NR2F1-AS1: variants seen among roughly 807,000 people sequenced by gnomAD.
NR2F1-AS1 encodes NR2F1 regulatory antisense RNA 1.
upstream of NR2F1-AS1, among the ~76,000 whole-genome samples, chr5:93,581,582 T>C (rs1254099717): frequency 6.6e-6 from 1 of 150,856 alleles, no homozygotes; most frequent in Non-Finnish European, 1.5e-5. Context: ...CAGCGATTCC[T>C]GCAAGCCCCG....
intron 4 of NR2F1-AS1, among the ~76,000 whole-genome samples, chr5:93,523,539 C>A (rs1421128385): frequency 6.6e-6 from 1 of 152,184 alleles, no homozygotes; most frequent in African/African-American, 2.4e-5. Context: ...CCCTGAACCC[C>A]ATGCCTCCTG....
At chr5:93,451,924 G>A (rs190876744) in intron 4 of NR2F1-AS1, among the ~76,000 whole-genome samples, 337 of 152,224 alleles carry the variant, frequency 2.2e-3, no homozygotes, top group African/African-American at 7.8e-3. Context: ...AGGACCTCAC[G>A]GACATGTATT....
At chr5:93,494,369 G>A (rs890367967) in intron 4 of NR2F1-AS1, among the ~76,000 whole-genome samples, 8 of 152,134 alleles carry the variant, frequency 5.3e-5, no homozygotes, top group East Asian at 3.9e-4. Context: ...AGTGGCTCAC[G>A]CCTGTAATCT....
At chr5:93,566,482 T>C (rs931492500) in intron 1 of NR2F1-AS1, among the ~76,000 whole-genome samples, 3 of 152,080 alleles carry the variant, frequency 2.0e-5, no homozygotes, top group East Asian at 3.8e-4. Context: ...AACCAGCCTA[T>C]TTCACATCTG....
chr5:93,450,094 T>C (rs945142162), intron 4 of NR2F1-AS1, among the ~76,000 whole-genome samples: 2 of 152,212 alleles, frequency 1.3e-5, no homozygotes, highest in Non-Finnish European at 2.9e-5. Context: ...ATATGAATGT[T>C]CATTTTCTAA....
chr5:93,570,777 G>A (rs1403673495), intron 1 of NR2F1-AS1: 1 of 152,274 alleles, frequency 6.6e-6, no homozygotes, highest in Non-Finnish European at 1.5e-5. Flanking sequence ...CGCCGCGCGG[G>A]GGACCGCACT....
chr5:93,434,917 T>C (rs1043374872), intron 4 of NR2F1-AS1, among the ~76,000 whole-genome samples: 5 of 152,226 alleles, frequency 3.3e-5, no homozygotes, highest in Non-Finnish European at 5.9e-5. Context: ...AGGAAGTACA[T>C]GATATTGGTT....
At chr5:93,524,588 T>C (rs562427359) in intron 4 of NR2F1-AS1, among the ~76,000 whole-genome samples, 18 of 152,036 alleles carry the variant, frequency 1.2e-4, no homozygotes, top group Admixed American at 2.6e-4. Flanking sequence ...AAAGAAACAA[T>C]GTTAAGGGCA....
At chr5:93,536,373 G>A (rs975285865) in intron 4 of NR2F1-AS1, among the ~76,000 whole-genome samples, 8 of 152,048 alleles carry the variant, frequency 5.3e-5, no homozygotes, top group African/African-American at 1.9e-4. Context: ...AAAGTGATCT[G>A]CAGGTTTAAT....
At chr5:93,418,501 G>A (rs941812507) in intron 4 of NR2F1-AS1, among the ~76,000 whole-genome samples, 1 of 151,932 alleles carries the variant, frequency 6.6e-6, no homozygotes, top group Non-Finnish European at 1.5e-5. Context: ...GCAGAGAATC[G>A]CTTGAACCCA....
intron 4 of NR2F1-AS1, among the ~76,000 whole-genome samples, chr5:93,498,871 G>T (rs1046991046): frequency 1.3e-5 from 2 of 152,126 alleles, no homozygotes; most frequent in Admixed American, 6.6e-5. Context: ...TTATTAAAAA[G>T]AATTTATATT....
rs192613549 is a variant in NR2F1-AS1, at chr5:93,528,664, G to A, written n.638+25097C>T. On this transcript the variant is annotated intron_variant and non_coding_transcript_variant, in intron 4 of 5. Coordinates refer to ENST00000660523, the Ensembl canonical transcript of NR2F1-AS1. ...GGAACCAACCCAAATGCTCATCAAC[G>A]ATAGACTGGATAAAGAAAATGTGGC... is the stretch of plus-strand genomic sequence containing the variant. Among the ~76,000 whole-genome samples the A allele has an allele frequency of 7.2e-3, 1,102 of 152,218 alleles. 4 individuals are homozygous for A. Among genetic ancestry groups the A allele is most frequent in the Non-Finnish European group, 0.012 (800 of 68,000 alleles).
intron 4 of NR2F1-AS1, among the ~76,000 whole-genome samples, chr5:93,484,350 T>C (rs1750670318): frequency 6.6e-6 from 1 of 152,152 alleles, no homozygotes; most frequent in Non-Finnish European, 1.5e-5. Flanking sequence ...CCAGCCAAAC[T>C]AAGCTTCATA....
intron 4 of NR2F1-AS1, among the ~76,000 whole-genome samples, chr5:93,474,486 A>C (rs939719785): frequency 6.6e-6 from 1 of 152,208 alleles, no homozygotes; most frequent in Non-Finnish European, 1.5e-5. Context: ...CATAGGCTAG[A>C]TGGCTTATAA....
At chr5:93,569,931 C>G (rs1752707054) in intron 1 of NR2F1-AS1, 1 of 152,216 alleles carries the variant, frequency 6.6e-6, no homozygotes, top group Non-Finnish European at 1.5e-5. Flanking sequence ...ATCTGGAGCA[C>G]GAGTCCTCTG....
intron 4 of NR2F1-AS1, among the ~76,000 whole-genome samples, chr5:93,526,824 C>T (rs776767459): frequency 1.2e-4 from 18 of 152,252 alleles, no homozygotes; most frequent in Non-Finnish European, 2.6e-4. Flanking sequence ...TTTCAATAAA[C>T]TAGGTATTGA....
In NR2F1-AS1 at chr5:93,449,678, A is replaced by G. The variant is rs189444489; in HGVS notation, n.639-54136T>C. ...CCTCACCCTTTATAAAAGGCAAGAA[A>G]AGTGTTTTTACACAATTACAAAGAT... On this transcript the variant is annotated intron_variant and non_coding_transcript_variant, in intron 4 of 5. Transcript: ENST00000660523. 2.0e-5 allele frequency among the ~76,000 whole-genome samples: 3 copies of G among 152,312 alleles called. No individual in the cohort carries two copies. The East Asian group carries it at 5.8e-4, about 29-fold the overall frequency.
chr5:93,431,386 G>C (rs1436165572), intron 4 of NR2F1-AS1, among the ~76,000 whole-genome samples: 4 of 152,148 alleles, frequency 2.6e-5, no homozygotes, highest in Non-Finnish European at 1.5e-5. Context: ...AGACGGATTT[G>C]TGTTTATGAT....
intron 4 of NR2F1-AS1, among the ~76,000 whole-genome samples, chr5:93,528,653 T>G (rs1483049619): frequency 1.3e-5 from 2 of 152,168 alleles, no homozygotes; most frequent in East Asian, 3.8e-4. Flanking sequence ...CCAACCCAAA[T>G]GCTCATCAAC....
Sources: gnomAD v4.1 joint callset for allele counts (sites outside exome capture counted in the v4.1 genomes callset) on GRCh38, gnomAD v4.1.1 for gene constraint, MANE v1.5 for transcripts, NCBI Gene and HGNC (gene_info 2026-07-23, HGNC 2026-07-21) for gene names.